The following TRPM4 variants were observed in gnomAD, a reference collection of about 807,000 sequenced individuals.
The protein encoded by TRPM4 is calcium-activated non-selective cation channel 1.
TRPM4 carries 124 observed loss-of-function variants against 135.6 expected under a neutral mutation model. The ratio of observed to expected loss-of-function variants is 0.91; its 90% CI spans 0.79 to 1.06. The LOEUF is 1.06. Among genes scored for constraint, TRPM4 ranks in the 50% least tolerant of loss-of-function variants. The pLI is 0.00. For synonymous variants in TRPM4, 745 were observed against 705.6 expected, an observed-to-expected ratio of 1.06 and a Z score of -0.88; for missense variants, 1,658 against 1,671.4, an observed-to-expected ratio of 0.99 and a Z score of 0.14.
At position 49,211,483 on chromosome 19, in the gene TRPM4, T is replaced by C. The variant is rs1354938368; in HGVS notation, c.3641-11T>C. 3.1e-6 allele frequency: 5 copies of C among 1,613,902 alleles called. No homozygotes were observed. The African/African-American group carries it at 4.0e-5, about 13-fold the overall frequency. Reference sequence around the variant, plus strand: ...CCAATCACCTGCTCTCTCTTTTCTCTCTTCCCCCAGACTGAGCCCTGCTGG... The same window carrying C: ...CCAATCACCTGCTCTCTCTTTTCTCCCTTCCCCCAGACTGAGCCCTGCTGG... On this transcript the variant is annotated splice_polypyrimidine_tract_variant and intron_variant, in intron 24 of 24. Coordinates refer to ENST00000252826, the MANE Select transcript of TRPM4 (RefSeq NM_017636.4). This position sits in a 1 kb window ranked among gnomAD's most constrained non-coding sequence, Gnocchi z 4.8.
chr19:49,208,925 C>T (rs1485403981), intron 20 of TRPM4, among the ~76,000 whole-genome samples: 4 of 149,238 alleles, frequency 2.7e-5, no homozygotes, highest in African/African-American at 7.5e-5. Flanking sequence ...TGCCACTGCA[C>T]TCCAGCCTGT....
At chr19:49,184,452 CTTTTTTT>C (rs67748057) in intron 12 of TRPM4, among the ~76,000 whole-genome samples, 4 of 45,508 alleles carry the variant, frequency 8.8e-5, no homozygotes, top group African/African-American at 3.2e-4. Context: ...TCTCTGTAGT[CTTTTTTT>C]TTTTTTTTTT....
chr19:49,202,905 CG>C (rs1474194497), intron 20 of TRPM4, among the ~76,000 whole-genome samples: 1 of 95,794 alleles, frequency 1.0e-5, no homozygotes, highest in Non-Finnish European at 1.9e-5. Flanking sequence ...TTTTTTTTGA[CG>C]GAGTCTCGCT....
chr19:49,170,284 G>A (rs1967402230), intron 6 of TRPM4, among the ~76,000 whole-genome samples: 1 of 151,954 alleles, frequency 6.6e-6, no homozygotes, highest in African/African-American at 2.4e-5. Flanking sequence ...TGCCTCCTAG[G>A]TTCAAGCGTT....
chr19:49,190,408 A>G, intron 15 of TRPM4, 88 bp downstream of exon 15: 1 of 1,199,774 alleles, frequency 8.3e-7, no homozygotes, highest in South Asian at 1.3e-5. Context: ...TTCTTCCCTC[A>G]TCGGCCCATT....
rs1969344829 is a variant in TRPM4 at position 49,211,026 on chromosome 19, C to T, written c.3473C>T (p.Ala1158Val). The T allele has an allele frequency of 6.2e-7, 1 of 1,614,040 alleles. No individual in the cohort carries two copies. The highest frequency in any genetic ancestry group is 8.5e-7 in the Non-Finnish European group (1 of 1,179,964). Residue 1158 changes from alanine to valine, a missense_variant, in exon 23 of 25, where the codon GCA becomes GTA. Physicochemically the swap from Ala to Val is moderately conservative, Grantham distance 64. Coordinates refer to ENST00000252826, the MANE Select transcript of TRPM4 (RefSeq NM_017636.4). The surrounding 1 kb of genome is among the most constrained non-coding windows in gnomAD (Gnocchi z 4.8). ...LKRTSQKVDL[A>V]LKQLGHIREY... Reference sequence around the variant, plus strand: ...CCCTCCCTTCTCAGGGTGGACTTGGCACTGAAACAGCTGGGACACATCCGC... The same window carrying T: ...CCCTCCCTTCTCAGGGTGGACTTGGTACTGAAACAGCTGGGACACATCCGC...
At position 49,180,532 on chromosome 19, in the gene TRPM4, C is replaced by T. The variant is rs554382303; in HGVS notation, c.1151-817C>T. Among the ~76,000 whole-genome samples the T allele has an allele frequency of 8.2e-4, 124 of 151,132 alleles. 2 individuals carry two copies. The South Asian group carries it at 0.025, about 31-fold the overall frequency. On this transcript the variant is annotated intron_variant, in intron 9 of 24. Coordinates refer to ENST00000252826, the MANE Select transcript of TRPM4 (RefSeq NM_017636.4). ...TGCTGCTTTGAACGCCCTTTTCGCACCTTAGGGGCATACCTCCCAGTCCTG... is the reference window on the plus strand; with the variant it reads ...TGCTGCTTTGAACGCCCTTTTCGCATCTTAGGGGCATACCTCCCAGTCCTG...
intron 16 of TRPM4, 21 bp from the exon 17 acceptor site, chr19:49,196,419 T>G (rs755723598): frequency 4.3e-5 from 65 of 1,523,656 alleles, no homozygotes; most frequent in Non-Finnish European, 5.7e-5. Flanking sequence ...GCCTCCTCCC[T>G]TCTCTTCTCT....
rs578091446 is a variant in TRPM4, at chr19:49,200,539, G to A, written c.2779-72G>A. The A allele has an allele frequency of 1.6e-5, 26 of 1,596,026 alleles. No individual in the cohort carries two copies. The South Asian group carries it at 2.0e-4, about 12-fold the overall frequency. On this transcript the variant is annotated intron_variant, in intron 18 of 24. Transcript: ENST00000252826. ...GCGTGACTTTGGGGAGCAATGGGGC[G>A]TGTTTTTGGGATATAGGGGTGGGGC...
At position 49,158,325 on chromosome 19, in the gene TRPM4, T is replaced by C. The variant is rs3760664; in HGVS notation, c.92+66T>C. ...GCCCGCTGACCCCGCCCGCGGATGG[T>C]CACGCCCCAGCCCTGCTCCTTCCCC... is the stretch of plus-strand genomic sequence containing the variant. On this transcript the variant is annotated intron_variant, in intron 2 of 24. Transcript: ENST00000252826. The C allele has an allele frequency of 0.81, 1,184,750 of 1,458,760 alleles. 491,299 individuals carry two copies. The highest frequency in any genetic ancestry group is 0.86 in the Non-Finnish European group (895,118 of 1,040,048). The allele number at this position is 1,458,760 out of a possible 1,614,324, so 90.4% of individuals were successfully genotyped here. A position where few individuals can be genotyped will look rare whatever the true frequency, so the allele number is the denominator to read the frequency against.
At chr19:49,158,634 G>A in intron 2 of TRPM4, 1 of 242,600 alleles carries the variant, frequency 4.1e-6, no homozygotes, top group Admixed American at 5.2e-5. Context: ...ATCCATGCAA[G>A]AAACCCTCAC....
intron 16 of TRPM4, among the ~76,000 whole-genome samples, chr19:49,192,125 G>A (rs1968434958): frequency 6.6e-6 from 1 of 152,160 alleles, no homozygotes. Flanking sequence ...AAATGAAATA[G>A]AATATTTATC....
At position 49,211,192 on chromosome 19, in the gene TRPM4, G is replaced by T. The variant is rs1064796865; in HGVS notation, c.3563G>T (p.Trp1188Leu). The T allele has an allele frequency of 3.1e-6, 5 of 1,602,972 alleles. No individual in the cohort carries two copies. In the African/African-American group the frequency reaches 5.3e-5, roughly 17 times the overall value. ...CAGCAGTGTAGCCGCGTCCTGGGGT[G>T]GGTGGCCGAGGCCCTGAGCCGCTCT... ...EVQQCSRVLG[W>L]VAEALSRSAL... Residue 1188 changes from tryptophan to leucine, a missense_variant, in exon 24 of 25, where the codon TGG (tryptophan) becomes TTG (leucine). Around this residue, in one of 3 missense-constraint regions of TRPM4, gnomAD observed 1,412 missense variants for 1,408.7 expected, o/e 1.00. Coordinates refer to ENST00000252826, the MANE Select transcript of TRPM4 (RefSeq NM_017636.4). This position sits in a 1 kb window ranked among gnomAD's most constrained non-coding sequence, Gnocchi z 4.8.
chr19:49,183,689 C>CAAGATT (rs1968087394), intron 12 of TRPM4, among the ~76,000 whole-genome samples: 2 of 152,142 alleles, frequency 1.3e-5, no homozygotes, highest in African/African-American at 4.8e-5. Flanking sequence ...AGGCATGTGC[C>CAAGATT]ACCGTGCCTG....
At position 49,210,269 on chromosome 19, in the gene TRPM4, C is replaced by T. The variant is rs1969298898; in HGVS notation, c.3192C>T (p.Arg1064=). 6.2e-7 allele frequency: 1 copy of T among 1,614,116 alleles called. No homozygotes were observed. The highest frequency in any genetic ancestry group is 1.3e-5 in the African/African-American group (1 of 74,932). Residue 1064 remains arginine (R), a synonymous_variant, in exon 21 of 25, where the codon CGC becomes CGT. Transcript: ENST00000252826. This position sits in a 1 kb window ranked among gnomAD's most constrained non-coding sequence, Gnocchi z 4.1. The part of the protein sequence containing the change: ...SDLYWKAQRY[R]LIREFHSRPA... ...TCTACTGGAAGGCGCAGCGTTACCG[C>T]CTCATCCGGGAATTCCACTCTCGGC... is the stretch of plus-strand genomic sequence containing the variant.
intron 12 of TRPM4, among the ~76,000 whole-genome samples, chr19:49,186,275 A>C (rs1968193847): frequency 6.6e-6 from 1 of 152,206 alleles, no homozygotes; most frequent in South Asian, 2.1e-4. Context: ...CAGTCTTTCA[A>C]TACTTAGCCA....
At position 49,166,254 on chromosome 19, in the gene TRPM4, G is replaced by C. The variant is rs370313155; in HGVS notation, c.267+39G>C. 135 of 1,553,038 alleles carry C rather than the reference G, an allele frequency of 8.7e-5. 2 individuals are homozygous for C. In the African/African-American group the frequency reaches 1.6e-3, roughly 19 times the overall value. ...CTGTGGGCGGGGCCCGGGCACCAGG[G>C]GGCTGCATGCTCGGGGCTCCAGAGT... On this transcript the variant is annotated intron_variant, in intron 3 of 24. Transcript: ENST00000252826.
chr19:49,205,091 G>C (rs1315037953), intron 20 of TRPM4, among the ~76,000 whole-genome samples: 1 of 150,810 alleles, frequency 6.6e-6, no homozygotes, highest in African/African-American at 2.5e-5. Flanking sequence ...CAAAGTGCTG[G>C]GATTATAGGC....
chr19:49,209,244 A>G (rs903144085), intron 20 of TRPM4, among the ~76,000 whole-genome samples: 29 of 152,164 alleles, frequency 1.9e-4, no homozygotes, highest in African/African-American at 6.8e-4. Flanking sequence ...TGATATCTTT[A>G]TCTGGCTTTG....
Sources: allele counts gnomAD v4.1 joint callset (sites outside exome capture counted in the v4.1 genomes callset), GRCh38; gene constraint gnomAD v4.1.1; regional missense constraint gnomAD v4.1.1; non-coding constraint Gnocchi (gnomAD v3.1); transcripts MANE v1.5; gene names NCBI Gene and HGNC (gene_info 2026-07-23, HGNC 2026-07-21).